Variants in ZFYVE9 observed in about 807,000 individuals in gnomAD.
The protein encoded by ZFYVE9 is zinc finger FYVE-type containing 9, also known as zinc finger FYVE domain-containing protein 9.
ZFYVE9 carries 43 observed loss-of-function variants against 126.7 expected under a neutral mutation model. The ratio of observed to expected loss-of-function variants is 0.34; its 90% CI spans 0.27 to 0.44. ZFYVE9 has a LOEUF of 0.44. ZFYVE9 is among the 20% of genes least tolerant of loss of function. The probability of loss-of-function intolerance (pLI) is 1.00; values close to 1 mark genes in which losing one functional copy is unlikely to be tolerated. For synonymous variants in ZFYVE9, 521 were observed against 597.4 expected, an observed-to-expected ratio of 0.87 and a Z score of 1.87; for missense variants, 1,476 against 1,697.0, an observed-to-expected ratio of 0.87 and a Z score of 2.29.
chr1:52,305,950 T>A (rs1407789582), intron 13 of ZFYVE9, among the ~76,000 whole-genome samples: 1 of 152,152 alleles, frequency 6.6e-6, no homozygotes, highest in Non-Finnish European at 1.5e-5. Flanking sequence ...AGTAAGCTGA[T>A]GGGGGATGTG....
intron 2 of ZFYVE9, among the ~76,000 whole-genome samples, chr1:52,222,135 G>A (rs1251750083): frequency 3.9e-5 from 6 of 152,150 alleles, no homozygotes; most frequent in Non-Finnish European, 8.8e-5. Context: ...AGGAAATTTA[G>A]GAAGTTAACT....
chr1:52,143,113 G>A (rs1157038039), intron 1 of ZFYVE9, among the ~76,000 whole-genome samples: 1 of 152,062 alleles, frequency 6.6e-6, no homozygotes, highest in Non-Finnish European at 1.5e-5. Context: ...TTATAAAAAC[G>A]TCTTTTACAA....
intron 9 of ZFYVE9, among the ~76,000 whole-genome samples, chr1:52,279,396 T>C (rs1645780307): frequency 6.6e-6 from 1 of 152,178 alleles, no homozygotes; most frequent in Non-Finnish European, 1.5e-5. Flanking sequence ...ACATCATAAA[T>C]TGAGATTCAG....
chr1:52,288,516 A>G (rs1159211508), intron 10 of ZFYVE9, among the ~76,000 whole-genome samples: 1 of 152,192 alleles, frequency 6.6e-6, no homozygotes, highest in Non-Finnish European at 1.5e-5. Flanking sequence ...TGAGGACATG[A>G]CCTTTTATGA....
chr1:52,230,306 G>A (rs1415995568), intron 2 of ZFYVE9, among the ~76,000 whole-genome samples: 1 of 152,076 alleles, frequency 6.6e-6, no homozygotes, highest in Non-Finnish European at 1.5e-5. Context: ...AGAGGCAAAC[G>A]GAGTGAACTT....
intron 4 of ZFYVE9, among the ~76,000 whole-genome samples, chr1:52,263,078 C>CAAAA (rs759753454): frequency 0.035 from 2,470 of 70,182 alleles, 57 homozygotes; most frequent in African/African-American, 0.088. Context: ...AATTGTGTCT[C>CAAAA]AAAAAAAAAA....
intron 1 of ZFYVE9, among the ~76,000 whole-genome samples, chr1:52,181,088 C>T (rs571101326): frequency 2.6e-5 from 4 of 152,040 alleles, no homozygotes; most frequent in East Asian, 3.9e-4. Context: ...TTCTCCCTCA[C>T]GGTCTCCTTC....
intron 1 of ZFYVE9, chr1:52,189,895 A>G (rs926613122): frequency 2.0e-5 from 3 of 152,354 alleles, no homozygotes; most frequent in African/African-American, 7.2e-5. Flanking sequence ...TTCTTTCCTT[A>G]TGGAATTGTG....
At chr1:52,228,101 CA>C (rs1438084881) in intron 2 of ZFYVE9, among the ~76,000 whole-genome samples, 1 of 151,972 alleles carries the variant, frequency 6.6e-6, no homozygotes, top group Non-Finnish European at 1.5e-5. Context: ...ATTTTTGAGA[CA>C]GGGTCTCACT....
intron 10 of ZFYVE9, among the ~76,000 whole-genome samples, chr1:52,285,445 C>T (rs969111823): frequency 1.3e-5 from 2 of 152,154 alleles, no homozygotes; most frequent in South Asian, 2.1e-4. Flanking sequence ...TCTGTATTTA[C>T]AGCTGCTCCC....
At chr1:52,214,828 G>C (rs1368109693) in intron 1 of ZFYVE9, among the ~76,000 whole-genome samples, 1 of 152,110 alleles carries the variant, frequency 6.6e-6, no homozygotes, top group African/African-American at 2.4e-5. Context: ...CCATTCTGAG[G>C]GCAGAGGATT....
At chr1:52,256,722 A>G (rs1347129932) in intron 4 of ZFYVE9, among the ~76,000 whole-genome samples, 1 of 135,124 alleles carries the variant, frequency 7.4e-6, no homozygotes, top group Admixed American at 7.2e-5. Context: ...AAGTTTAAAC[A>G]GGTGTTTAGA....
chr1:52,242,242 G>A (rs560641711), intron 4 of ZFYVE9, among the ~76,000 whole-genome samples: 72 of 152,234 alleles, frequency 4.7e-4, no homozygotes, highest in Admixed American at 8.5e-4. Flanking sequence ...ATGTTGGCCA[G>A]GCTGGCCTGG....
At chr1:52,309,779 T>G (rs990433908) in intron 13 of ZFYVE9, among the ~76,000 whole-genome samples, 1 of 152,046 alleles carries the variant, frequency 6.6e-6, no homozygotes, top group Non-Finnish European at 1.5e-5. Context: ...TTTGGAAAAC[T>G]GAGTTTGGTG....
chr1:52,331,211 AAT>A (rs921781612), intron 13 of ZFYVE9, among the ~76,000 whole-genome samples: 26 of 152,168 alleles, frequency 1.7e-4, no homozygotes, highest in African/African-American at 6.3e-4. Flanking sequence ...AGTAAAACAA[AAT>A]AAGTTTCCAG....
At chr1:52,236,979 T>C (rs1645278544) in intron 3 of ZFYVE9, among the ~76,000 whole-genome samples, 1 of 152,206 alleles carries the variant, frequency 6.6e-6, no homozygotes, top group Admixed American at 6.5e-5. Context: ...AGGTAAACTT[T>C]ATATACATTA....
chr1:52,170,679 C>A (rs966352764), intron 1 of ZFYVE9, among the ~76,000 whole-genome samples: 2 of 152,076 alleles, frequency 1.3e-5, no homozygotes, highest in African/African-American at 4.8e-5. Flanking sequence ...TGTTGTGTTT[C>A]CATTATTATT....
At chr1:52,290,624 A>C (rs927919834) in intron 10 of ZFYVE9, among the ~76,000 whole-genome samples, 3 of 152,194 alleles carry the variant, frequency 2.0e-5, no homozygotes, top group Non-Finnish European at 4.4e-5. Context: ...GTGGTAAAGA[A>C]GCAATGGTAA....
At chr1:52,205,247 G>GT (rs1644966955) in intron 1 of ZFYVE9, among the ~76,000 whole-genome samples, 1 of 151,492 alleles carries the variant, frequency 6.6e-6, no homozygotes, top group African/African-American at 2.4e-5. Flanking sequence ...GCCTATTTTT[G>GT]TATTTTTTGT....
Sources: gnomAD v4.1 joint callset for allele counts (sites outside exome capture counted in the v4.1 genomes callset) on GRCh38, gnomAD v4.1.1 for gene constraint, MANE v1.5 for transcripts, NCBI Gene and HGNC (gene_info 2026-07-23, HGNC 2026-07-21) for gene names.